Variants in TMEFF2 observed in about 807,000 individuals in gnomAD.
TMEFF2 encodes the protein transmembrane protein with EGF like and two follistatin like domains 2, also known as tomoregulin-2.
TMEFF2 carries 28 observed loss-of-function variants against 53.8 expected under a neutral mutation model. That is an observed-to-expected ratio of 0.52 (90% confidence interval 0.39 to 0.71). The LOEUF (loss-of-function observed/expected upper bound fraction) is 0.71, where lower values mean the gene tolerates loss of function less well. TMEFF2 is among the 30% of genes least tolerant of loss of function. The pLI, the probability that TMEFF2 is intolerant of heterozygous loss-of-function variation, is 0.00. For synonymous variants in TMEFF2, 162 were observed against 166.3 expected (o/e 0.97, Z 0.20); for missense variants, 353 against 455.2 (o/e 0.78, Z 2.04).
chr2:192,048,276 C>A (rs1197052742), intron 5 of TMEFF2, among the ~76,000 whole-genome samples: 1 of 151,316 alleles, frequency 6.6e-6, no homozygotes, highest in Admixed American at 6.6e-5. Flanking sequence ...CTAACAATCA[C>A]CAAATAACTC....
At chr2:192,173,934 A>G (rs966773238) in intron 4 of TMEFF2, among the ~76,000 whole-genome samples, 8 of 151,826 alleles carry the variant, frequency 5.3e-5, no homozygotes, top group African/African-American at 1.9e-4. Flanking sequence ...GGTAACATAA[A>G]TTCTTTTAAT....
chr2:192,077,581 T>A (rs773454466), intron 4 of TMEFF2, among the ~76,000 whole-genome samples: 2 of 152,232 alleles, frequency 1.3e-5, no homozygotes, highest in Middle Eastern at 3.4e-3. Context: ...GATGGCTTAT[T>A]AACCTTCCAA....
At chr2:192,155,422 T>A (rs1426927911) in intron 4 of TMEFF2, among the ~76,000 whole-genome samples, 1 of 151,964 alleles carries the variant, frequency 6.6e-6, no homozygotes. Context: ...AACACTTGGC[T>A]TACAGTAACT....
intron 4 of TMEFF2, among the ~76,000 whole-genome samples, chr2:192,097,205 G>C (rs954397660): frequency 6.6e-6 from 1 of 152,178 alleles, no homozygotes; most frequent in African/African-American, 2.4e-5. Context: ...TCCTTTAATT[G>C]TTTATTACAA....
chr2:192,106,085 T>A (rs1689138138), intron 4 of TMEFF2, among the ~76,000 whole-genome samples: 1 of 151,796 alleles, frequency 6.6e-6, no homozygotes, highest in Non-Finnish European at 1.5e-5. Flanking sequence ...TTAAATTACA[T>A]AAATGAAGCT....
chr2:192,156,632 A>G (rs1162992244), intron 4 of TMEFF2, among the ~76,000 whole-genome samples: 1 of 152,074 alleles, frequency 6.6e-6, no homozygotes, highest in Non-Finnish European at 1.5e-5. Context: ...CACCAGTAAC[A>G]AATTTTACAT....
At chr2:191,982,068 A>G (rs1330302580) in intron 7 of TMEFF2, among the ~76,000 whole-genome samples, 1 of 152,114 alleles carries the variant, frequency 6.6e-6, no homozygotes, top group African/African-American at 2.4e-5. Flanking sequence ...TGGGCCAGCA[A>G]CGTTGACTAC....
chr2:192,100,069 A>G (rs1262530446), intron 4 of TMEFF2, among the ~76,000 whole-genome samples: 1 of 152,210 alleles, frequency 6.6e-6, no homozygotes, highest in Non-Finnish European at 1.5e-5. Flanking sequence ...AGCCATAAAA[A>G]TAATTTTGAA....
intron 4 of TMEFF2, among the ~76,000 whole-genome samples, chr2:192,089,280 T>TA (rs1167734241): frequency 6.6e-6 from 1 of 152,074 alleles, no homozygotes; most frequent in Non-Finnish European, 1.5e-5. Flanking sequence ...AGCATCCTCC[T>TA]ACTTGACCTA....
In TMEFF2 at chr2:191,949,750, C is replaced by T. The variant is rs1046434358; in HGVS notation, c.*561G>A. ...CTGCTCTAGGGATGAAAATGGAAGA[C>T]CAGGGAAGAAAGTTGATGAAATAGA... On this transcript the variant is annotated 3_prime_UTR_variant, in exon 10 of 10. Transcript: ENST00000272771. The T allele has an allele frequency of 1.0e-6, 1 of 985,058 alleles. No homozygotes were observed. The highest frequency in any genetic ancestry group is 1.2e-6 in the Non-Finnish European group (1 of 829,832). The allele number at this position is 985,058 out of a possible 1,614,324, so 61.0% of individuals were successfully genotyped here.
At chr2:192,137,763 AATATATGTAATCTATTTATAT>A (rs1690045235) in intron 4 of TMEFF2, among the ~76,000 whole-genome samples, 1 of 148,198 alleles carries the variant, frequency 6.7e-6, no homozygotes, top group Non-Finnish European at 1.5e-5. Flanking sequence ...TTATATATAT[AATATATGTAATCTATTTATAT>A]ATATATGTAA....
At chr2:192,179,963 A>G (rs894232496) in intron 3 of TMEFF2, among the ~76,000 whole-genome samples, 1 of 151,482 alleles carries the variant, frequency 6.6e-6, no homozygotes, top group African/African-American at 2.4e-5. Flanking sequence ...GGCTATGAAA[A>G]ATTCCTAATC....
rs757318245 is a variant in TMEFF2 at position 192,194,478 on chromosome 2, C to A, written c.47G>T (p.Cys16Phe). Reference protein sequence around the residue: ...SPRQCSSWTLCEGFCWLLLLP... With the variant: ...SPRQCSSWTLFEGFCWLLLLP... Reference sequence around the variant, plus strand: ...CAGCAGCAGCCAGCAAAAGCCCTCGCAAAGTGTCCAGCTGCTGCACTGCCG... The same window carrying A: ...CAGCAGCAGCCAGCAAAAGCCCTCGAAAAGTGTCCAGCTGCTGCACTGCCG... The change falls in exon 1 of 10, where the codon TGC becomes TTC. Residue 16 changes from cysteine to phenylalanine, a missense_variant. By Grantham distance (205) the Cys-to-Phe change is radical (BLOSUM62 -2). This residue lies in a region of TMEFF2 where 54 missense variants were observed against 41.8 expected (regional missense o/e 1.29). Coordinates refer to ENST00000272771, the MANE Select transcript of TMEFF2 (RefSeq NM_016192.4). This position sits in a 1 kb window ranked among gnomAD's most constrained non-coding sequence, Gnocchi z 4.2. 1.2e-6 allele frequency: 2 copies of A among 1,613,938 alleles called. No homozygotes were observed. Among genetic ancestry groups the A allele is most frequent in the Non-Finnish European group, 1.7e-6 (2 of 1,180,050 alleles).
chr2:192,158,323 T>A (rs911115952), intron 4 of TMEFF2, among the ~76,000 whole-genome samples: 1 of 151,966 alleles, frequency 6.6e-6, no homozygotes, highest in Non-Finnish European at 1.5e-5. Flanking sequence ...TGAGATTATA[T>A]CTCTGATATA....
intron 7 of TMEFF2, among the ~76,000 whole-genome samples, chr2:191,964,260 CTTTCT>C (rs1202729078): frequency 2.7e-4 from 4 of 14,624 alleles, no homozygotes; most frequent in Non-Finnish European, 2.0e-3. Flanking sequence ...TTCCTTCCTC[CTTTCT>C]TTTCTTTTTT....
At chr2:192,060,954 G>T (rs943687665) in intron 4 of TMEFF2, among the ~76,000 whole-genome samples, 1 of 152,110 alleles carries the variant, frequency 6.6e-6, no homozygotes, top group Non-Finnish European at 1.5e-5. Context: ...CTAATATTCT[G>T]CCCTGCCATT....
intron 4 of TMEFF2, among the ~76,000 whole-genome samples, chr2:192,110,135 T>C (rs1006735108): frequency 2.6e-5 from 4 of 152,032 alleles, no homozygotes; most frequent in African/African-American, 9.7e-5. Context: ...AGAAGCATGA[T>C]AAACAACTAG....
At chr2:191,961,886 C>CT (rs1692283882) in intron 7 of TMEFF2, among the ~76,000 whole-genome samples, 1 of 152,136 alleles carries the variant, frequency 6.6e-6, no homozygotes, top group Admixed American at 6.6e-5. Flanking sequence ...CACCTGCTGT[C>CT]ATAGCTTCTG....
rs149509252 is a variant in TMEFF2, at chr2:192,174,324, G to A, written c.439+5344C>T. ...AAAAGTTATTTTTATTTGTAAAAAC[G>A]TATTCATGTGTGAAAACAAACTATA... is the stretch of plus-strand genomic sequence containing the variant. On this transcript the variant is annotated intron_variant, in intron 4 of 9. Coordinates refer to ENST00000272771, the MANE Select transcript of TMEFF2 (RefSeq NM_016192.4). 4.3e-3 allele frequency among the ~76,000 whole-genome samples: 652 copies of A among 151,800 alleles called. 6 individuals are homozygous for A. Among genetic ancestry groups the A allele is most frequent in the Non-Finnish European group, 7.0e-3 (472 of 67,774 alleles).
Sources: allele counts gnomAD v4.1 joint callset (sites outside exome capture counted in the v4.1 genomes callset), GRCh38; gene constraint gnomAD v4.1.1; regional missense constraint gnomAD v4.1.1; non-coding constraint Gnocchi (gnomAD v3.1); transcripts MANE v1.5; gene names NCBI Gene and HGNC (gene_info 2026-07-23, HGNC 2026-07-21).